Variants in NRG3 observed in about 807,000 individuals in gnomAD.
NRG3 encodes the protein neuregulin 3.
A neutral mutation model predicts 66.9 loss-of-function variants in NRG3; 31 were observed. The observed-to-expected ratio is 0.46, with a 90% CI of 0.35 to 0.63. The LOEUF (loss-of-function observed/expected upper bound fraction) is 0.63. Among genes scored for constraint, NRG3 ranks in the 20% least tolerant of loss-of-function variants. The pLI, the probability that NRG3 is intolerant of heterozygous loss-of-function variation, is 0.00. For missense variants in NRG3, 910 were observed against 878.9 expected, an observed-to-expected ratio of 1.04 and a Z score of -0.45; for synonymous variants, 393 against 359.4, an observed-to-expected ratio of 1.09 and a Z score of -1.06.
intron 2 of NRG3, among the ~76,000 whole-genome samples, chr10:82,373,610 A>T (rs1223308391): frequency 1.3e-5 from 2 of 152,206 alleles, no homozygotes; most frequent in Admixed American, 1.3e-4. Flanking sequence ...TATGAAATAG[A>T]GGCTAATAAT....
At chr10:82,855,925 C>T (rs576378446) in intron 3 of NRG3, among the ~76,000 whole-genome samples, 6 of 152,162 alleles carry the variant, frequency 3.9e-5, no homozygotes, top group South Asian at 2.1e-4. Context: ...ACAAAAATTA[C>T]GTAACAAAGA....
rs60882154 is a variant in NRG3, at chr10:82,301,686, CTATA to C, written c.824-57035_824-57032del. Among the ~76,000 whole-genome samples, 49 of 137,698 alleles carry C rather than the reference CTATA, an allele frequency of 3.6e-4. 1 individual carries two copies. Among genetic ancestry groups the C allele is most frequent in the African/African-American group, 7.5e-4 (29 of 38,618 alleles). The allele number at this position is 137,698 out of a possible 152,430, so 90.3% of individuals were successfully genotyped here. Reference sequence around the variant, plus strand: ...TATGTATATGTATACACATATATTCCTATATATATATATATATATATGTAAATAG... The same window carrying C: ...TATGTATATGTATACACATATATTCCTATATATATATATATATGTAAATAG... On this transcript the variant is annotated intron_variant, in intron 1 of 8. Transcript: ENST00000372141.
At chr10:82,661,637 G>A (rs190812197) in intron 2 of NRG3, among the ~76,000 whole-genome samples, 11 of 152,210 alleles carry the variant, frequency 7.2e-5, no homozygotes, top group East Asian at 3.9e-4. Flanking sequence ...GCACATGCAC[G>A]CCTGTGTGCT....
rs541542585 is a variant in NRG3, at chr10:82,126,408, C to G, written c.824-232331C>G. 2.6e-5 allele frequency among the ~76,000 whole-genome samples: 4 copies of G among 151,912 alleles called. No homozygotes were observed. In the East Asian group the frequency reaches 7.8e-4, roughly 29 times the overall value. On this transcript the variant is annotated intron_variant, in intron 1 of 8. Transcript: ENST00000372141. ...AAGCTGCAACATGAGACATACAGAA[C>G]AAAAGCTGGGTGGTTATGAATCAAG...
At chr10:82,323,476 A>G (rs920402287) in intron 1 of NRG3, among the ~76,000 whole-genome samples, 8 of 151,094 alleles carry the variant, frequency 5.3e-5, no homozygotes, top group African/African-American at 1.5e-4. Flanking sequence ...TCACTTGGCC[A>G]TGACATATTA....
intron 1 of NRG3, among the ~76,000 whole-genome samples, chr10:82,330,141 A>G (rs577871274): frequency 6.6e-6 from 1 of 152,182 alleles, no homozygotes; most frequent in Non-Finnish European, 1.5e-5. Context: ...TGTTGGCACC[A>G]TTTTTAAGAA....
At chr10:82,983,308 A>C (rs1180237850) in intron 8 of NRG3, among the ~76,000 whole-genome samples, 1 of 152,200 alleles carries the variant, frequency 6.6e-6, no homozygotes, top group African/African-American at 2.4e-5. Context: ...CTTCTTGTTG[A>C]AATTGATTTA....
At chr10:82,899,697 GA>G (rs1233005336) in intron 4 of NRG3, among the ~76,000 whole-genome samples, 1 of 152,128 alleles carries the variant, frequency 6.6e-6, no homozygotes, top group Non-Finnish European at 1.5e-5. Context: ...CATTGACGAT[GA>G]TTGCTATTTA....
At chr10:82,711,115 G>A (rs1036008154) in intron 2 of NRG3, among the ~76,000 whole-genome samples, 6 of 152,128 alleles carry the variant, frequency 3.9e-5, no homozygotes, top group African/African-American at 7.2e-5. Flanking sequence ...GTCTCACTCT[G>A]TCACCCAGGC....
At chr10:82,785,043 T>G (rs2060288672) in intron 3 of NRG3, among the ~76,000 whole-genome samples, 1 of 152,144 alleles carries the variant, frequency 6.6e-6, no homozygotes, top group African/African-American at 2.4e-5. Flanking sequence ...GATGAGTTCA[T>G]GTCCTTTGTA....
At chr10:81,963,944 A>G (rs560743716) in intron 1 of NRG3, among the ~76,000 whole-genome samples, 5 of 152,312 alleles carry the variant, frequency 3.3e-5, no homozygotes, top group African/African-American at 4.8e-5. Flanking sequence ...TTTTCGTAGC[A>G]TTTGGGTTAT....
chr10:82,857,949 G>A (rs1159650738), intron 3 of NRG3, among the ~76,000 whole-genome samples: 1 of 152,094 alleles, frequency 6.6e-6, no homozygotes, highest in Non-Finnish European at 1.5e-5. Flanking sequence ...GACATTCTAG[G>A]ATTGAACACA....
intron 2 of NRG3, among the ~76,000 whole-genome samples, chr10:82,586,695 T>G (rs2046690961): frequency 6.6e-6 from 1 of 152,222 alleles, no homozygotes; most frequent in South Asian, 2.1e-4. Flanking sequence ...TTCACCATCT[T>G]TATTTTATCT....
At chr10:82,571,156 C>T (rs1340614347) in intron 2 of NRG3, among the ~76,000 whole-genome samples, 1 of 151,438 alleles carries the variant, frequency 6.6e-6, no homozygotes, top group Non-Finnish European at 1.5e-5. Flanking sequence ...AAAGCCTGCT[C>T]TAAACTCCCT....
intron 1 of NRG3, among the ~76,000 whole-genome samples, chr10:82,018,280 T>C (rs2061884903): frequency 6.6e-6 from 1 of 152,176 alleles, no homozygotes; most frequent in South Asian, 2.1e-4. Context: ...CTCTATTCTG[T>C]TCCATTGGTC....
intron 2 of NRG3, among the ~76,000 whole-genome samples, chr10:82,736,071 A>G (rs2058139913): frequency 6.6e-6 from 1 of 152,202 alleles, no homozygotes; most frequent in Admixed American, 6.6e-5. Flanking sequence ...TTTCTATTAT[A>G]TGAATTTTTT....
intron 2 of NRG3, among the ~76,000 whole-genome samples, chr10:82,500,374 T>A (rs1844053513): frequency 6.6e-6 from 1 of 152,160 alleles, no homozygotes; most frequent in African/African-American, 2.4e-5. Context: ...TTCCTCAGTG[T>A]CCCCATTGCA....
intron 1 of NRG3, among the ~76,000 whole-genome samples, chr10:82,029,045 C>T (rs2062447482): frequency 6.6e-6 from 1 of 151,826 alleles, no homozygotes; most frequent in Non-Finnish European, 1.5e-5. Flanking sequence ...CCCGTTTTTA[C>T]TAAAAATAGA....
intron 2 of NRG3, among the ~76,000 whole-genome samples, chr10:82,437,796 A>G (rs555325755): frequency 6.6e-6 from 1 of 152,094 alleles, no homozygotes; most frequent in Non-Finnish European, 1.5e-5. Flanking sequence ...TTCAGTAGTC[A>G]GGTCCCTCTT....
Sources: allele counts gnomAD v4.1 joint callset (sites outside exome capture counted in the v4.1 genomes callset), GRCh38; gene constraint gnomAD v4.1.1; transcripts MANE v1.5; gene names NCBI Gene and HGNC (gene_info 2026-07-23, HGNC 2026-07-21).